The following ROS1 variants were observed in gnomAD, a reference collection of about 807,000 sequenced individuals.
The protein encoded by ROS1 is proto-oncogene tyrosine-protein kinase ROS.
Under a neutral mutation model 273.5 loss-of-function variants are expected in ROS1, and 263 were observed. The observed-to-expected ratio is 0.96, with a 90% CI of 0.87 to 1.06. The LOEUF is 1.06. ROS1 is among the 50% of genes least tolerant of loss of function. ROS1 has a pLI of 0.00. For missense variants in ROS1, 2,833 were observed against 2,751.1 expected (o/e 1.03, Z -0.67); for synonymous variants, 1,008 against 954.1 (o/e 1.06, Z -1.04).
At chr6:117,385,656 C>T (rs2128696282) in intron 16 of ROS1, 27 bp downstream of exon 16, 1 of 1,603,006 alleles carries the variant, frequency 6.2e-7, no homozygotes, top group South Asian at 1.1e-5. Flanking sequence ...CATTCTAGAG[C>T]ATCCAGAATG....
intron 43 of ROS1, among the ~76,000 whole-genome samples, chr6:117,292,689 G>A (rs905065157): frequency 7.9e-5 from 12 of 152,282 alleles, no homozygotes; most frequent in South Asian, 2.1e-4. Flanking sequence ...GGACTTCTCC[G>A]CTTAGATATG....
At chr6:117,404,456 C>T (rs201830473) in intron 5 of ROS1, 28 bp from the exon 6 acceptor site, 1 of 1,609,112 alleles carries the variant, frequency 6.2e-7, no homozygotes, top group African/African-American at 1.3e-5. Context: ...TTTCACTCAC[C>T]ACGCACTCCT....
At position 117,300,999 on chromosome 6, in the gene ROS1, A is replaced by G. The variant is rs746997621; in HGVS notation, c.6690T>C (p.Ser2230=). 64 of 1,585,906 alleles carry G rather than the reference A, an allele frequency of 4.0e-5. No individual in the cohort carries two copies. The highest frequency in any genetic ancestry group is 3.4e-4 in the East Asian group (15 of 43,840). The change falls in exon 43 of 44, where the codon AGT becomes AGC. Residue 2230 remains serine, a synonymous_variant. Coordinates refer to ENST00000368507, the MANE Select transcript of ROS1 (RefSeq NM_001378902.1). ...IYKSRDEANN[S]GVINESFEGE... Reference sequence around the variant, plus strand: ...CTTCAAAGCTTTCATTTATGACTCCACTGTTGTTTGCTTCATCTCTGGACT... The same window carrying G: ...CTTCAAAGCTTTCATTTATGACTCCGCTGTTGTTTGCTTCATCTCTGGACT...
At chr6:117,352,726 G>C (rs1169792979) in intron 27 of ROS1, among the ~76,000 whole-genome samples, 2 of 152,150 alleles carry the variant, frequency 1.3e-5, no homozygotes, top group African/African-American at 4.8e-5. Context: ...AGAAGAGAAA[G>C]AGGCCAGGCA....
rs116553304 is a variant in ROS1, at chr6:117,394,109, T to A, written c.1191+53A>T. 3,866 of 1,161,718 alleles carry A rather than the reference T, an allele frequency of 3.3e-3. 82 individuals carry two copies. The African/African-American group carries it at 0.055, about 17-fold the overall frequency. The allele number at this position is 1,161,718 out of a possible 1,614,324, so 72.0% of individuals were successfully genotyped here. ...GTTTAGTATTAAATATACCAAGATATGCATATCAGTATCACTGTCTATCAC... is the reference window on the plus strand; with the variant it reads ...GTTTAGTATTAAATATACCAAGATAAGCATATCAGTATCACTGTCTATCAC... On this transcript the variant is annotated intron_variant, in intron 11 of 43. Coordinates refer to ENST00000368507, the MANE Select transcript of ROS1 (RefSeq NM_001378902.1).
At chr6:117,329,952 C>G (rs1776955256) in intron 32 of ROS1, among the ~76,000 whole-genome samples, 1 of 152,168 alleles carries the variant, frequency 6.6e-6, no homozygotes, top group African/African-American at 2.4e-5. Context: ...TTACTGAACT[C>G]CCTGGGGGAG....
intron 27 of ROS1, among the ~76,000 whole-genome samples, chr6:117,351,798 T>C (rs1420901518): frequency 6.6e-6 from 1 of 152,196 alleles, no homozygotes; most frequent in East Asian, 1.9e-4. Context: ...TGGCAATTTC[T>C]AAGCTTCTGG....
intron 42 of ROS1, among the ~76,000 whole-genome samples, chr6:117,307,823 T>C (rs1381928593): frequency 6.6e-6 from 1 of 152,132 alleles, no homozygotes; most frequent in Non-Finnish European, 1.5e-5. Context: ...TAACACAGCA[T>C]AGTCAAGGCA....
intron 31 of ROS1, among the ~76,000 whole-genome samples, chr6:117,340,636 G>A (rs769850065): frequency 2.0e-5 from 3 of 152,104 alleles, no homozygotes; most frequent in Non-Finnish European, 2.9e-5. Flanking sequence ...TGGTTAAAGC[G>A]TGAAAAGTTT....
At chr6:117,393,396 T>C (rs1378950866) in intron 11 of ROS1, 75 bp from the exon 12 acceptor site, 5 of 937,462 alleles carry the variant, frequency 5.3e-6, no homozygotes, top group Non-Finnish European at 5.1e-6. Context: ...CAAGTATCCC[T>C]GAGTATCTGT....
At position 117,394,217 on chromosome 6, in the gene ROS1, G is replaced by T. The variant is rs957763915; in HGVS notation, c.1136C>A (p.Ser379Tyr). The part of the protein sequence containing the change: ...RIFYRGSGLI[S>Y]SISIDWLYQR... ...ATAAAGCCAATCTATGGAGATAGAA[G>T]AAATTAATCCTGAACCTCTGTAAAA... Residue 379 changes from serine to tyrosine, a missense_variant, in exon 11 of 44, where the codon TCT becomes TAT. By Grantham distance (144) the Ser-to-Tyr change is moderately radical. Transcript: ENST00000368507. The T allele has an allele frequency of 5.6e-6, 9 of 1,604,932 alleles. No homozygotes were observed. In the African/African-American group the frequency reaches 1.2e-4, roughly 22 times the overall value.
At chr6:117,385,251 A>AC (rs1486592108) in intron 16 of ROS1, among the ~76,000 whole-genome samples, 12 of 152,172 alleles carry the variant, frequency 7.9e-5, no homozygotes, top group Admixed American at 7.8e-4. Context: ...TTACAAAAAA[A>AC]CATATTTTAA....
chr6:117,366,150 G>A lies in ROS1; in HGVS notation c.2723C>T (p.Thr908Ile). Residue 908 changes from threonine (T) to isoleucine (I), a missense_variant, in exon 19 of 44, where the codon ACC (threonine) becomes ATC (isoleucine). Physicochemically the swap from Thr to Ile is moderately conservative, Grantham distance 89. Coordinates refer to ENST00000368507, the MANE Select transcript of ROS1 (RefSeq NM_001378902.1). ...GGCTGGTTCCAAAACAGAGACACTGGTTTTCTGACCTATTTCTTGAGTTGT... is the reference window on the plus strand; with the variant it reads ...GGCTGGTTCCAAAACAGAGACACTGATTTTCTGACCTATTTCTTGAGTTGT... Reference protein sequence around the residue: ...IITTQEIGQKTSVSVLEPARF... With the variant: ...IITTQEIGQKISVSVLEPARF... The A allele has an allele frequency of 6.2e-7, 1 of 1,614,068 alleles. No homozygotes were observed. The highest frequency in any genetic ancestry group is 8.5e-7 in the Non-Finnish European group (1 of 1,179,980).
intron 6 of ROS1, 35 bp from the exon 7 acceptor site, chr6:117,403,312 G>C: frequency 1.9e-6 from 3 of 1,598,946 alleles, no homozygotes; most frequent in Non-Finnish European, 2.6e-6. Context: ...CAGCATTATA[G>C]AATCAGCACC....
chr6:117,413,006 T>G (rs1256343809), intron 4 of ROS1, among the ~76,000 whole-genome samples: 4 of 152,116 alleles, frequency 2.6e-5, no homozygotes, highest in African/African-American at 9.7e-5. Context: ...TATGGGTGAC[T>G]TTTCTCCTCT....
intron 17 of ROS1, among the ~76,000 whole-genome samples, chr6:117,381,653 G>T (rs1705898822): frequency 2.0e-5 from 3 of 151,952 alleles, no homozygotes; most frequent in Admixed American, 6.6e-5. Context: ...CAGTTGATGG[G>T]CACTTAGGTT....
At chr6:117,312,666 G>A (rs776839147) in intron 39 of ROS1, among the ~76,000 whole-genome samples, 1 of 151,970 alleles carries the variant, frequency 6.6e-6, no homozygotes, top group Non-Finnish European at 1.5e-5. Context: ...TCATAATGCT[G>A]CCTGCCTGCT....
chr6:117,356,533 A>G, intron 26 of ROS1, 96 bp downstream of exon 26: 1 of 1,081,466 alleles, frequency 9.2e-7, no homozygotes, highest in Non-Finnish European at 1.3e-6. Context: ...TATCATGTGT[A>G]TATTTGAGTA....
At chr6:117,420,017 T>C (rs1023094245) in intron 1 of ROS1, among the ~76,000 whole-genome samples, 1 of 152,172 alleles carries the variant, frequency 6.6e-6, no homozygotes, top group Non-Finnish European at 1.5e-5. Flanking sequence ...ATTATTGCTA[T>C]GTTTCAGGCA....
Sources: gnomAD v4.1 joint callset for allele counts (sites outside exome capture counted in the v4.1 genomes callset) on GRCh38, gnomAD v4.1.1 for gene constraint, MANE v1.5 for transcripts, NCBI Gene and HGNC (gene_info 2026-07-23, HGNC 2026-07-21) for gene names.